The following DNAH17 variants were observed in gnomAD, a reference collection of about 807,000 sequenced individuals.
DNAH17 encodes the protein dynein axonemal heavy chain 17, also known as axonemal beta dynein heavy chain 17.
A neutral mutation model predicts 485.6 loss-of-function variants in DNAH17; 376 were observed. The observed-to-expected ratio is 0.77, with a 90% confidence interval of 0.71 to 0.84. The LOEUF (loss-of-function observed/expected upper bound fraction) is 0.84, where lower values mean the gene tolerates loss of function less well. Among genes scored for constraint, DNAH17 ranks in the 40% least tolerant of loss-of-function variants. DNAH17 has a pLI of 0.00. For synonymous variants in DNAH17, 3,031 were observed against 2,405.9 expected (o/e 1.26, Z -7.60); for missense variants, 6,370 against 5,839.3 (o/e 1.09, Z -2.96).
At chr17:78,424,317 T>C in intron 80 of DNAH17, 164 bp from the exon 81 acceptor site, 2 of 806,536 alleles carry the variant, frequency 2.5e-6, no homozygotes, top group Admixed American at 5.9e-5. Context: ...CCTTCGTAGG[T>C]GATGGCCTGC....
rs1243691835 is a variant in DNAH17, at chr17:78,486,475, C to T, written c.6850G>A (p.Val2284Met). ...ATCAGGTTGGCCTTCTCCGACTGCACCTTGCGCCTCTCGATCCAGCTGCTC... is the reference window on the plus strand; with the variant it reads ...ATCAGGTTGGCCTTCTCCGACTGCATCTTGCGCCTCTCGATCCAGCTGCTC... Reference protein sequence around the residue: ...VVSSWIERRKVQSEKANLMIL... With the variant: ...VVSSWIERRKMQSEKANLMIL... Residue 2284 changes from valine (V) to methionine (M), a missense_variant, in exon 45 of 81, where the codon GTG (valine) becomes ATG (methionine). Val to Met is a conservative substitution (Grantham distance 21). Coordinates refer to ENST00000389840, the MANE Select transcript of DNAH17 (RefSeq NM_173628.4). The T allele has an allele frequency of 6.2e-7, 1 of 1,611,622 alleles. No individual in the cohort carries two copies. The highest frequency in any genetic ancestry group is 8.5e-7 in the Non-Finnish European group (1 of 1,178,736).
intron 12 of DNAH17, among the ~76,000 whole-genome samples, chr17:78,561,155 G>A (rs1168695044): frequency 1.3e-5 from 2 of 152,122 alleles, no homozygotes; most frequent in Admixed American, 1.3e-4. Flanking sequence ...GGCCAAAATA[G>A]AACCCACGCA....
intron 16 of DNAH17, among the ~76,000 whole-genome samples, chr17:78,551,276 C>T (rs144796256): frequency 3.9e-4 from 60 of 152,358 alleles, no homozygotes; most frequent in African/African-American, 1.4e-3. Context: ...CCACCCCTTG[C>T]TACTGGCACT....
chr17:78,551,480 C>T, intron 16 of DNAH17, 55 bp downstream of exon 16: 2 of 1,565,334 alleles, frequency 1.3e-6, no homozygotes, highest in Non-Finnish European at 8.8e-7. Context: ...TGGTTTGCCC[C>T]AGGGCAGCCC....
intron 75 of DNAH17, among the ~76,000 whole-genome samples, chr17:78,430,181 T>G (rs1281976752): frequency 6.6e-6 from 1 of 152,238 alleles, no homozygotes; most frequent in East Asian, 1.9e-4. Flanking sequence ...GTGCCCGTTT[T>G]GGAGCCTCTT....
intron 26 of DNAH17, among the ~76,000 whole-genome samples, chr17:78,511,054 G>A (rs1285413659): frequency 1.3e-5 from 2 of 152,216 alleles, no homozygotes; most frequent in Non-Finnish European, 2.9e-5. Flanking sequence ...TAGAAGGAGT[G>A]CAGCCTGCTG....
Position 78,567,023 on chromosome 17 carries a change from A to G in DNAH17, c.1428T>C (p.Tyr476=). The G allele has an allele frequency of 3.1e-6, 5 of 1,613,608 alleles. No individual in the cohort carries two copies. Among genetic ancestry groups the G allele is most frequent in the South Asian group, 2.2e-5 (2 of 91,038 alleles). ...ELVKVFADCK[Y]DPLDPGDSNF... is the part of the protein sequence containing the mutation. The stretch of plus-strand genomic sequence containing the variant: ...CCGAGTCTCCAGGGTCCAAGGGATC[A>G]TATTTGCAGTCGGCAAAAACCTTCA... The change falls in exon 10 of 81, where the codon TAT becomes TAC. Residue 476 remains tyrosine, a synonymous_variant. Transcript: ENST00000389840.
chr17:78,496,866 G>C (rs976612113), intron 37 of DNAH17: 20 of 151,688 alleles, frequency 1.3e-4, no homozygotes, highest in African/African-American at 4.6e-4. Context: ...TAGAGACAGG[G>C]TTTCACCATG....
chr17:78,531,277 T>C (rs1316801908), intron 20 of DNAH17, among the ~76,000 whole-genome samples: 1 of 152,136 alleles, frequency 6.6e-6, no homozygotes, highest in Non-Finnish European at 1.5e-5. Context: ...GAGTTGATCC[T>C]TTTGTCATTA....
At position 78,575,082 on chromosome 17, in the gene DNAH17, T is replaced by C. The variant is rs201335047; in HGVS notation, c.-25A>G. ...TCTTGGCCTTTCCTTACACTGTGTATCTGTTAAGAGTGCAAGAAACAGGTA... is the reference window on the plus strand; with the variant it reads ...TCTTGGCCTTTCCTTACACTGTGTACCTGTTAAGAGTGCAAGAAACAGGTA... On this transcript the variant is annotated splice_region_variant and 5_prime_UTR_variant, in exon 2 of 81. Coordinates refer to ENST00000389840, the MANE Select transcript of DNAH17 (RefSeq NM_173628.4). 1.2e-3 allele frequency: 1,857 copies of C among 1,586,872 alleles called. 13 individuals are homozygous for C. In the African/African-American group the frequency reaches 0.022, roughly 19 times the overall value.
Position 78,475,680 on chromosome 17 carries a change from C to A in DNAH17, c.8308G>T (p.Val2770Phe), listed in dbSNP as rs1212582355. The change falls in exon 53 of 81, where the codon GTC becomes TTC. Residue 2770 changes from valine to phenylalanine, a missense_variant. By Grantham distance (50) the Val-to-Phe change is conservative (BLOSUM62 -1). Coordinates refer to ENST00000389840, the MANE Select transcript of DNAH17 (RefSeq NM_173628.4). ...VLDSYNEVNAVMNLVLFEDAV... is the reference protein window; with the variant it reads ...VLDSYNEVNAFMNLVLFEDAV... ...TCCAGCCTGCTCACCAAATTCATGA[C>A]TGCATTAACTTCATTGTAGCTGTCC... 2 of 1,613,574 alleles carry A rather than the reference C, an allele frequency of 1.2e-6. No individual in the cohort carries two copies. Among genetic ancestry groups the A allele is most frequent in the Admixed American group, 1.7e-5 (1 of 59,942 alleles).
chr17:78,506,660 C>T (rs2090493558), intron 30 of DNAH17, 60 bp downstream of exon 30: 1 of 1,609,310 alleles, frequency 6.2e-7, no homozygotes, highest in African/African-American at 1.3e-5. Context: ...GGTAGAGGTG[C>T]CCACCTGGGG....
chr17:78,458,883 A>T, intron 61 of DNAH17, 118 bp downstream of exon 61: 1 of 1,212,748 alleles, frequency 8.2e-7, no homozygotes, highest in East Asian at 2.5e-5. Context: ...ATCCTCTTGC[A>T]CTGCTGAATA....
chr17:78,436,185 G>C (rs1271337427), intron 74 of DNAH17, among the ~76,000 whole-genome samples: 1 of 152,246 alleles, frequency 6.6e-6, no homozygotes. Context: ...CCAGCTATTT[G>C]GGAGGCCGAG....
chr17:78,427,291 CT>C (rs1453367410), intron 77 of DNAH17, among the ~76,000 whole-genome samples, 183 bp from the exon 78 acceptor site: 6 of 152,236 alleles, frequency 3.9e-5, no homozygotes, highest in Admixed American at 2.6e-4. Context: ...GAGAGGGAGC[CT>C]TGGCCAGCGG....
At chr17:78,473,930 G>A (rs1389550519) in intron 54 of DNAH17, among the ~76,000 whole-genome samples, 1 of 152,190 alleles carries the variant, frequency 6.6e-6, no homozygotes, top group Non-Finnish European at 1.5e-5. Flanking sequence ...ACACACTACC[G>A]CTCATGGGTC....
At chr17:78,560,521 C>G (rs945894012) in intron 13 of DNAH17, among the ~76,000 whole-genome samples, 4 of 151,948 alleles carry the variant, frequency 2.6e-5, no homozygotes, top group Non-Finnish European at 5.9e-5. Context: ...CTTGGGATCA[C>G]AGGAACGCTT....
At chr17:78,424,866 C>T (rs142669806) in intron 80 of DNAH17, 200 of 158,550 alleles carry the variant, frequency 1.3e-3, no homozygotes, top group East Asian at 3.2e-3. Context: ...GATGTGGGGG[C>T]GGACTTCTAA....
rs190030290 is a variant in DNAH17, at chr17:78,531,576, G to A, written c.3114+906C>T. ...GATGGTCTCGATCTCCTGACCTCAC[G>A]ATCCAACCGCCTCGGCCTCCCAAAG... On this transcript the variant is annotated intron_variant, in intron 20 of 80. Transcript: ENST00000389840. Among the ~76,000 whole-genome samples the A allele has an allele frequency of 1.6e-3, 241 of 151,990 alleles. 2 individuals are homozygous for A. The highest frequency in any genetic ancestry group is 5.5e-3 in the African/African-American group (228 of 41,462).
Sources: allele counts gnomAD v4.1 joint callset (sites outside exome capture counted in the v4.1 genomes callset), GRCh38; gene constraint gnomAD v4.1.1; transcripts MANE v1.5; gene names NCBI Gene and HGNC (gene_info 2026-07-23, HGNC 2026-07-21).